The following ARHGAP15 variants were observed in gnomAD, a reference collection of about 807,000 sequenced individuals.
ARHGAP15 encodes the protein Rho GTPase activating protein 15.
Under a neutral mutation model 63.7 loss-of-function variants are expected in ARHGAP15, and 51 were observed. The observed-to-expected ratio is 0.80, with a 90% confidence interval of 0.64 to 1.01. The LOEUF is 1.01. Among genes scored for constraint, ARHGAP15 ranks in the 50% least tolerant of loss-of-function variants. The pLI, the probability that ARHGAP15 is intolerant of heterozygous loss-of-function variation, is 0.00. For synonymous variants in ARHGAP15, 191 were observed against 193.8 expected (o/e 0.99, Z 0.12); for missense variants, 560 against 564.6 (o/e 0.99, Z 0.08).
intron 12 of ARHGAP15, among the ~76,000 whole-genome samples, chr2:143,684,915 G>A (rs969414564): frequency 2.0e-5 from 3 of 152,202 alleles, no homozygotes; most frequent in African/African-American, 7.2e-5. Flanking sequence ...TCCAGTCAGT[G>A]TTAAGCTGCA....
intron 6 of ARHGAP15, among the ~76,000 whole-genome samples, chr2:143,257,731 G>C (rs1400147780): frequency 6.6e-6 from 1 of 152,112 alleles, no homozygotes; most frequent in Admixed American, 6.6e-5. Flanking sequence ...TAAGCAGAAT[G>C]AGACTAACTG....
chr2:143,329,548 A>C (rs1232951344), intron 6 of ARHGAP15, among the ~76,000 whole-genome samples: 2 of 152,156 alleles, frequency 1.3e-5, no homozygotes, highest in African/African-American at 4.8e-5. Flanking sequence ...CCTTGGTTAC[A>C]ACCTGTGAGA....
intron 2 of ARHGAP15, among the ~76,000 whole-genome samples, chr2:143,200,927 C>G (rs913845553): frequency 3.9e-5 from 6 of 151,910 alleles, no homozygotes; most frequent in African/African-American, 1.5e-4. Context: ...AACAAATCAC[C>G]TTGAAACATA....
At chr2:143,728,765 A>T (rs1339072670) in intron 13 of ARHGAP15, among the ~76,000 whole-genome samples, 1 of 152,164 alleles carries the variant, frequency 6.6e-6, no homozygotes, top group South Asian at 2.1e-4. Flanking sequence ...CCCGGTCTAG[A>T]GGCATAAGTG....
chr2:143,256,174 A>G (rs537428770), intron 6 of ARHGAP15, among the ~76,000 whole-genome samples: 15 of 152,294 alleles, frequency 9.8e-5, no homozygotes, highest in African/African-American at 3.4e-4. Context: ...GCAACTACAA[A>G]GAAGTGATTT....
At chr2:143,357,298 G>A (rs181664523) in intron 6 of ARHGAP15, among the ~76,000 whole-genome samples, 3 of 152,170 alleles carry the variant, frequency 2.0e-5, no homozygotes, top group East Asian at 1.9e-4. Context: ...CAGCAACAGG[G>A]CTAAAGGAAG....
At chr2:143,466,575 A>T (rs1056776679) in intron 8 of ARHGAP15, among the ~76,000 whole-genome samples, 27 of 152,078 alleles carry the variant, frequency 1.8e-4, no homozygotes, top group African/African-American at 6.3e-4. Context: ...AATACTCATA[A>T]ATCAAGCATA....
intron 12 of ARHGAP15, among the ~76,000 whole-genome samples, chr2:143,654,926 G>A (rs756923461): frequency 6.6e-6 from 1 of 152,086 alleles, no homozygotes; most frequent in Non-Finnish European, 1.5e-5. Flanking sequence ...AGCAAGACCC[G>A]TTTCTAAAAT....
rs138125022 is a variant in ARHGAP15, at chr2:143,705,290, C to G, written c.1244+1766C>G. On this transcript the variant is annotated intron_variant, in intron 13 of 13. Transcript: ENST00000295095. ...AAAATCTCTTACTATTAGAGTGTTC[C>G]TTCTTGTCACTCCCACATACTGGCT... Among the ~76,000 whole-genome samples, 30 of 152,208 alleles carry G rather than the reference C, an allele frequency of 2.0e-4. No homozygotes were observed. In the East Asian group the frequency reaches 5.6e-3, roughly 28 times the overall value.
chr2:143,467,134 T>A (rs1325696993), intron 8 of ARHGAP15, among the ~76,000 whole-genome samples: 1 of 151,958 alleles, frequency 6.6e-6, no homozygotes, highest in African/African-American at 2.4e-5. Context: ...TCCTTCACAT[T>A]ATAGTATGAC....
intron 5 of ARHGAP15, among the ~76,000 whole-genome samples, chr2:143,233,805 C>T (rs117285090): frequency 3.9e-5 from 6 of 151,952 alleles, no homozygotes; most frequent in East Asian, 3.9e-4. Flanking sequence ...CCACCAAGCC[C>T]GGCTAATTTT....
chr2:143,153,785 C>A (rs1012080236), intron 1 of ARHGAP15, among the ~76,000 whole-genome samples: 3 of 24,062 alleles, frequency 1.2e-4, no homozygotes, highest in African/African-American at 4.8e-4. Flanking sequence ...AAATCTTCTT[C>A]TTCTTCTTCT....
chr2:143,625,097 C>T (rs1165382316), intron 12 of ARHGAP15, among the ~76,000 whole-genome samples: 1 of 151,958 alleles, frequency 6.6e-6, no homozygotes, highest in Non-Finnish European at 1.5e-5. Context: ...GAAAAAGTTT[C>T]CTGGCAAGCC....
In ARHGAP15 at chr2:143,761,736, C is replaced by T. The variant is rs571841042; in HGVS notation, c.1245-6253C>T. Among the ~76,000 whole-genome samples the T allele has an allele frequency of 8.1e-4, 124 of 152,160 alleles. 1 individual carries two copies. Among genetic ancestry groups the T allele is most frequent in the African/African-American group, 2.8e-3 (117 of 41,532 alleles). ...AGGCTTTTTTGAGAGGATTTCTTTT[C>T]CGGGGGTCCAACATCTGTAGCACTG... On this transcript the variant is annotated intron_variant, in intron 13 of 13. Transcript: ENST00000295095.
Position 143,470,651 on chromosome 2 carries a change from A to G in ARHGAP15, c.704-16722A>G, listed in dbSNP as rs575072910. Among the ~76,000 whole-genome samples the G allele has an allele frequency of 1.8e-4, 24 of 133,032 alleles. 1 individual carries two copies. The South Asian group carries it at 3.2e-3, about 18-fold the overall frequency. 87.3% of individuals were successfully genotyped at this position (133,032 alleles called of 152,430 possible). ...CATATGTGTGTATATATGTGTGTGT[A>G]TATATATACATGTATATATGTGTGT... On this transcript the variant is annotated intron_variant, in intron 8 of 13. Coordinates refer to ENST00000295095, the MANE Select transcript of ARHGAP15 (RefSeq NM_018460.4).
chr2:143,593,330 G>A (rs1697391544), intron 11 of ARHGAP15: 1 of 152,066 alleles, frequency 6.6e-6, no homozygotes, highest in South Asian at 2.1e-4. Flanking sequence ...TATCACCCAG[G>A]AATCATAATT....
At chr2:143,543,049 GATAT>G in intron 10 of ARHGAP15, among the ~76,000 whole-genome samples, 1 of 151,486 alleles carries the variant, frequency 6.6e-6, no homozygotes, top group Middle Eastern at 3.4e-3. Flanking sequence ...ATTTCCTTTG[GATAT>G]ATACCCAGTG....
At position 143,269,973 on chromosome 2, in the gene ARHGAP15, C is replaced by CT. The variant is rs919159547; in HGVS notation, c.474+19381dup. On this transcript the variant is annotated intron_variant, in intron 6 of 13. Transcript: ENST00000295095. The stretch of plus-strand genomic sequence containing the variant: ...CTCCATTAAATATTAATCTGTGTTA[C>CT]TTTTTTTTGTTTTTTAAAAACAGAG... Among the ~76,000 whole-genome samples the CT allele has an allele frequency of 1.1e-4, 16 of 151,920 alleles. 1 individual carries two copies. The highest frequency in any genetic ancestry group is 5.8e-4 in the East Asian group (3 of 5,172).
intron 12 of ARHGAP15, among the ~76,000 whole-genome samples, chr2:143,697,871 G>A (rs931106994): frequency 2.4e-4 from 37 of 152,040 alleles, no homozygotes; most frequent in African/African-American, 8.2e-4. Context: ...AACTAAATTC[G>A]GAAATGGCCA....
Sources: allele counts gnomAD v4.1 joint callset (sites outside exome capture counted in the v4.1 genomes callset), GRCh38; gene constraint gnomAD v4.1.1; transcripts MANE v1.5; gene names NCBI Gene and HGNC (gene_info 2026-07-23, HGNC 2026-07-21).